Variants in TRIP4 observed in about 807,000 individuals in gnomAD.
TRIP4 encodes thyroid hormone receptor interactor 4.
TRIP4 carries 54 observed loss-of-function variants against 81.8 expected under a neutral mutation model. That is an observed-to-expected ratio of 0.66 (90% CI 0.53 to 0.83). The LOEUF is 0.83. TRIP4 is among the 40% of genes least tolerant of loss of function. The probability of loss-of-function intolerance (pLI) is 0.00; values close to 1 mark genes in which losing one functional copy is unlikely to be tolerated. For missense variants in TRIP4, 662 were observed against 683.6 expected, an observed-to-expected ratio of 0.97 and a Z score of 0.35; for synonymous variants, 270 against 242.8, an observed-to-expected ratio of 1.11 and a Z score of -1.04.
chr15:64,423,676 T>C (rs968054062), intron 9 of TRIP4, among the ~76,000 whole-genome samples: 3 of 152,154 alleles, frequency 2.0e-5, no homozygotes, highest in Non-Finnish European at 4.4e-5. Context: ...AGGATTTCCA[T>C]ATCTCTAATA....
intron 1 of TRIP4, among the ~76,000 whole-genome samples, chr15:64,392,851 G>C (rs1458742099): frequency 6.6e-6 from 1 of 152,080 alleles, no homozygotes; most frequent in Non-Finnish European, 1.5e-5. Context: ...CTGGGCCCAA[G>C]TGATCCTCCA....
intron 11 of TRIP4, among the ~76,000 whole-genome samples, chr15:64,431,722 C>A (rs200367532): frequency 2.0e-5 from 3 of 148,826 alleles, no homozygotes; most frequent in Admixed American, 6.7e-5. Flanking sequence ...AAAAAAAAAA[C>A]AAAACTGGAA....
chr15:64,388,323 A>G (rs1395880704), intron 1 of TRIP4, among the ~76,000 whole-genome samples: 4 of 151,950 alleles, frequency 2.6e-5, no homozygotes, highest in Non-Finnish European at 4.4e-5. Flanking sequence ...TATTGTTGTT[A>G]TTATTGAGAC....
intron 8 of TRIP4, among the ~76,000 whole-genome samples, chr15:64,417,675 C>A (rs1891917800): frequency 6.6e-6 from 1 of 152,082 alleles, no homozygotes; most frequent in Non-Finnish European, 1.5e-5. Context: ...TTTTAGTAGT[C>A]CTCCACCCTC....
In TRIP4 at chr15:64,429,045, T is replaced by C. The variant is rs140785957; in HGVS notation, c.1575+3414T>C. On this transcript the variant is annotated intron_variant, in intron 11 of 12. Transcript: ENST00000261884. ...GTTGTAGCTTTTGGGTTGGGCGTGG[T>C]GGCTCATGCCTATAATCCCAGCACT... Among the ~76,000 whole-genome samples the C allele has an allele frequency of 7.4e-3, 1,124 of 152,112 alleles. 15 individuals are homozygous for C. Among genetic ancestry groups the C allele is most frequent in the African/African-American group, 0.026 (1,081 of 41,526 alleles).
chr15:64,403,262 T>G (rs1891552959), intron 5 of TRIP4, among the ~76,000 whole-genome samples: 1 of 152,154 alleles, frequency 6.6e-6, no homozygotes, highest in Non-Finnish European at 1.5e-5. Context: ...GTTCAAGCGA[T>G]TCTCCTGCCT....
rs2046356 is a variant in TRIP4, at chr15:64,414,060, G to A, written c.1044-25G>A. On this transcript the variant is annotated intron_variant, in intron 7 of 12. Transcript: ENST00000261884. ...TGAGCATAGAACATTACCAATTGTT[G>A]CATCCTTTTGGTTTATTATCACAGA... 1,360,387 of 1,610,898 alleles carry A rather than the reference G, an allele frequency of 0.84. 587,164 individuals carry two copies. The highest frequency in any genetic ancestry group is 0.95 in the East Asian group (42,471 of 44,836).
intron 11 of TRIP4, among the ~76,000 whole-genome samples, chr15:64,431,296 A>G (rs1892266644): frequency 6.6e-6 from 1 of 152,182 alleles, no homozygotes; most frequent in Non-Finnish European, 1.5e-5. Flanking sequence ...AGACTCAACA[A>G]GAAGAAAAAT....
chr15:64,412,418 A>G (rs917555268), intron 7 of TRIP4, among the ~76,000 whole-genome samples: 4 of 152,142 alleles, frequency 2.6e-5, no homozygotes, highest in African/African-American at 9.7e-5. Flanking sequence ...TTGAACCTAC[A>G]TGATACAACA....
At chr15:64,422,184 C>T (rs1172185538) in intron 9 of TRIP4, among the ~76,000 whole-genome samples, 4 of 152,148 alleles carry the variant, frequency 2.6e-5, no homozygotes, top group Middle Eastern at 3.4e-3. Context: ...GTAGATTAGG[C>T]CAGTATTATT....
At chr15:64,430,922 T>C (rs549047350) in intron 11 of TRIP4, among the ~76,000 whole-genome samples, 1 of 152,260 alleles carries the variant, frequency 6.6e-6, no homozygotes, top group South Asian at 2.1e-4. Context: ...TTCCTTTTTC[T>C]AGAAAAGTAT....
At position 64,452,918 on chromosome 15, in the gene TRIP4, C is replaced by T. The variant is rs1307463950; in HGVS notation, c.1679-2079C>T. 4.6e-5 allele frequency among the ~76,000 whole-genome samples: 7 copies of T among 152,020 alleles called. No homozygotes were observed. The East Asian group carries it at 7.7e-4, about 17-fold the overall frequency. On this transcript the variant is annotated intron_variant, in intron 12 of 12. Transcript: ENST00000261884. ...TTTTTCAGCCAGGTGTGGTGGCTCA[C>T]GCCTGTAATCCCAGCACTTTGGGAG...
intron 3 of TRIP4, among the ~76,000 whole-genome samples, chr15:64,395,787 C>T (rs1900274462): frequency 6.8e-6 from 1 of 146,994 alleles, no homozygotes. Context: ...TGTTTCCAGT[C>T]TGGAGTGCAG....
intron 11 of TRIP4, among the ~76,000 whole-genome samples, chr15:64,434,250 T>C (rs1442278171): frequency 6.6e-6 from 1 of 151,944 alleles, no homozygotes; most frequent in Non-Finnish European, 1.5e-5. Flanking sequence ...AAATATAAAA[T>C]TAGCTGGGCG....
rs528106579 is a variant in TRIP4 at position 64,387,862 on chromosome 15, A to G, written c.-2A>G. The G allele has an allele frequency of 7.4e-5, 115 of 1,544,820 alleles. No homozygotes were observed. The highest frequency in any genetic ancestry group is 1.8e-4 in the Middle Eastern group (1 of 5,668). On this transcript the variant is annotated 5_prime_UTR_variant, in exon 1 of 13. Coordinates refer to ENST00000261884, the MANE Select transcript of TRIP4 (RefSeq NM_016213.5). ...CAGCTCAGCTGGTTCCGGCTGGGGAAGATGGCGGTGGCTGGGGCGGTGTCC... is the reference window on the plus strand; with the variant it reads ...CAGCTCAGCTGGTTCCGGCTGGGGAGGATGGCGGTGGCTGGGGCGGTGTCC...
chr15:64,420,943 T>C (rs1891997921), intron 9 of TRIP4, among the ~76,000 whole-genome samples: 1 of 152,126 alleles, frequency 6.6e-6, no homozygotes, highest in Non-Finnish European at 1.5e-5. Context: ...AGTAGCTCTA[T>C]GAAATACACG....
At chr15:64,438,162 A>C (rs1892443056) in intron 11 of TRIP4, among the ~76,000 whole-genome samples, 1 of 152,212 alleles carries the variant, frequency 6.6e-6, no homozygotes, top group South Asian at 2.1e-4. Context: ...GATCTCTCAG[A>C]GCACTGCCTC....
chr15:64,423,699 CT>C (rs1566979432), intron 9 of TRIP4, among the ~76,000 whole-genome samples: 1 of 151,954 alleles, frequency 6.6e-6, no homozygotes, highest in Non-Finnish European at 1.5e-5. Context: ...ATTTATATGC[CT>C]TGAAAATATA....
chr15:64,389,848 C>T lies in TRIP4; in HGVS notation c.101+1884C>T, dbSNP rs139219209. 2.6e-3 allele frequency among the ~76,000 whole-genome samples: 385 copies of T among 150,202 alleles called. 1 individual carries two copies. The highest frequency in any genetic ancestry group is 9.1e-3 in the African/African-American group (373 of 41,080). ...GCCCGAGCAGCTGGGATTACAGGCG[C>T]GCACCACCATGCCTGGCTAATTTTT... On this transcript the variant is annotated intron_variant, in intron 1 of 12. Coordinates refer to ENST00000261884, the MANE Select transcript of TRIP4 (RefSeq NM_016213.5).
Sources: gnomAD v4.1 joint callset for allele counts (sites outside exome capture counted in the v4.1 genomes callset) on GRCh38, gnomAD v4.1.1 for gene constraint, MANE v1.5 for transcripts, NCBI Gene and HGNC (gene_info 2026-07-23, HGNC 2026-07-21) for gene names.